The following MYOM2 variants were observed in gnomAD, a reference collection of about 807,000 sequenced individuals.
MYOM2 encodes myomesin 2.
MYOM2 carries 254 observed loss-of-function variants against 187.6 expected under a neutral mutation model. The observed-to-expected ratio is 1.35, with a 90% CI of 1.22 to 1.50. The LOEUF (loss-of-function observed/expected upper bound fraction) is 1.50. Ranked by LOEUF, MYOM2 falls within the 40% of genes most tolerant of loss-of-function variation. The probability of loss-of-function intolerance (pLI) is 0.00; values close to 1 mark genes in which losing one functional copy is unlikely to be tolerated. For synonymous variants in MYOM2, 981 were observed against 753.8 expected (o/e 1.30, Z -4.94); for missense variants, 2,796 against 1,924.0 (o/e 1.45, Z -8.48).
At chr8:2,075,226 C>G (rs1329847585) in intron 10 of MYOM2, among the ~76,000 whole-genome samples, 1 of 152,176 alleles carries the variant, frequency 6.6e-6, no homozygotes, top group Non-Finnish European at 1.5e-5. Context: ...AGTTTCACTG[C>G]TGTTGTTAGG....
chr8:2,063,964 G>A (rs370577076), intron 6 of MYOM2, among the ~76,000 whole-genome samples: 187 of 152,364 alleles, frequency 1.2e-3, no homozygotes, highest in Non-Finnish European at 2.2e-3. Context: ...CTCACAGCAT[G>A]AAGCAAAGGC....
chr8:2,052,689 G>A (rs996803860), intron 3 of MYOM2, among the ~76,000 whole-genome samples: 5 of 152,230 alleles, frequency 3.3e-5, no homozygotes, highest in Non-Finnish European at 1.5e-5. Context: ...AGCAGGATAA[G>A]CACACATGAA....
intron 1 of MYOM2, among the ~76,000 whole-genome samples, chr8:2,048,059 C>T (rs909736946): frequency 6.6e-6 from 1 of 152,240 alleles, no homozygotes; most frequent in Non-Finnish European, 1.5e-5. Context: ...TCATTCTCTC[C>T]TTTGACCTAA....
intron 8 of MYOM2, among the ~76,000 whole-genome samples, chr8:2,070,158 A>G (rs1351351340): frequency 1.3e-5 from 2 of 152,170 alleles, no homozygotes; most frequent in African/African-American, 2.4e-5. Context: ...GAGGACGGGG[A>G]CATGATGGAT....
chr8:2,070,430 C>G (rs537121078), intron 8 of MYOM2, among the ~76,000 whole-genome samples: 2 of 152,196 alleles, frequency 1.3e-5, no homozygotes, highest in Non-Finnish European at 2.9e-5. Context: ...ACATCCAACA[C>G]TCGGTGAGCC....
chr8:2,122,040 T>C (rs769927749), intron 28 of MYOM2, among the ~76,000 whole-genome samples: 1 of 152,206 alleles, frequency 6.6e-6, no homozygotes, highest in Non-Finnish European at 1.5e-5. Flanking sequence ...AAAACAGTAA[T>C]TGAAGGTCAT....
At chr8:2,085,576 TTGTGATCTCTGCGTGGCCC>T (rs1819829952) in intron 14 of MYOM2, among the ~76,000 whole-genome samples, 186 bp downstream of exon 14, 2 of 24,400 alleles carry the variant, frequency 8.2e-5, no homozygotes, top group Non-Finnish European at 1.3e-4. Flanking sequence ...GGCCCCACTG[TTGTGATCTCTGCGTGGCCC>T]CACTGTCGTG....
rs368377820 is a variant in MYOM2, at chr8:2,096,313, G to A, written c.2192G>A (p.Trp731Ter). 1 of 1,614,166 alleles carries A rather than the reference G, an allele frequency of 6.2e-7. No individual in the cohort carries two copies. Among genetic ancestry groups the A allele is most frequent in the East Asian group, 2.2e-5 (1 of 44,864 alleles). Residue 731 changes from tryptophan to a stop codon, truncating the protein, a stop_gained, in exon 18 of 37, where the codon TGG becomes TAG. Coordinates refer to ENST00000262113, the MANE Select transcript of MYOM2 (RefSeq NM_003970.4). LOFTEE classifies it high-confidence loss of function. ...NCDGHSMTLG[W>*]KVPKFSGGSP... ...GACGGCCACTCCATGACCCTCGGCTGGAAGGTCCCGAAATTCAGTGGTGGC... is the reference window on the plus strand; with the variant it reads ...GACGGCCACTCCATGACCCTCGGCTAGAAGGTCCCGAAATTCAGTGGTGGC...
chr8:2,085,431 ATGGCCCCCCACTGTCATGATCTCTGCG>A (rs1819785930), intron 14 of MYOM2, 41 bp downstream of exon 14: 23 of 1,519,922 alleles, frequency 1.5e-5, no homozygotes, highest in African/African-American at 3.3e-5. Flanking sequence ...AGATCTCTGC[ATGGCCCCCCACTGTCATGATCTCTGCG>A]TGGCCCACCG....
intron 19 of MYOM2, 111 bp downstream of exon 19, chr8:2,099,094 C>G: frequency 7.3e-7 from 1 of 1,365,066 alleles, no homozygotes; most frequent in South Asian, 1.5e-5. Context: ...TCTGTTCCTC[C>G]GACACCCGCA....
Position 2,114,901 on chromosome 8 carries a change from G to A in MYOM2, c.3181-1059G>A, listed in dbSNP as rs1346678930. Among the ~76,000 whole-genome samples, 4 of 152,176 alleles carry A rather than the reference G, an allele frequency of 2.6e-5. No homozygotes were observed. In the East Asian group the frequency reaches 7.7e-4, roughly 29 times the overall value. On this transcript the variant is annotated intron_variant, in intron 25 of 36. Coordinates refer to ENST00000262113, the MANE Select transcript of MYOM2 (RefSeq NM_003970.4). ...TGACAAATTTATATACTGCTACACA[G>A]GAAAACTCGTTTTCAGAATTACAAG...
intron 25 of MYOM2, among the ~76,000 whole-genome samples, chr8:2,110,123 G>A (rs1797019802): frequency 6.6e-6 from 1 of 152,300 alleles, no homozygotes. Flanking sequence ...AGGAGTTCAA[G>A]ACCAGCCTGG....
intron 32 of MYOM2, among the ~76,000 whole-genome samples, chr8:2,137,642 G>T (rs1365598763): frequency 1.3e-5 from 2 of 152,068 alleles, no homozygotes; most frequent in Non-Finnish European, 1.5e-5. Flanking sequence ...AGATGACTAA[G>T]GCCTATCAGT....
At chr8:2,093,159 C>T (rs998554866) in intron 16 of MYOM2, among the ~76,000 whole-genome samples, 18 of 152,282 alleles carry the variant, frequency 1.2e-4, no homozygotes, top group African/African-American at 4.3e-4. Flanking sequence ...AATTATGGCT[C>T]AGCCATTTCT....
intron 6 of MYOM2, among the ~76,000 whole-genome samples, chr8:2,064,307 A>C (rs1377974459): frequency 2.0e-5 from 3 of 152,172 alleles, no homozygotes; most frequent in Non-Finnish European, 4.4e-5. Flanking sequence ...AACACACTTC[A>C]TACAGTATGA....
chr8:2,100,136 C>A (rs1796651344), intron 19 of MYOM2, among the ~76,000 whole-genome samples: 2 of 117,340 alleles, frequency 1.7e-5, no homozygotes, highest in Admixed American at 8.2e-5. Context: ...TTCTTTCCTT[C>A]CTTCCTTCCT....
chr8:2,137,386 C>G (rs1191076048), intron 32 of MYOM2, among the ~76,000 whole-genome samples: 1 of 151,876 alleles, frequency 6.6e-6, no homozygotes, highest in East Asian at 2.0e-4. Flanking sequence ...CCCTTCTTCG[C>G]AAGCGGGGAG....
chr8:2,123,438 C>A, intron 29 of MYOM2, 73 bp downstream of exon 29: 1 of 1,459,350 alleles, frequency 6.9e-7, no homozygotes, highest in Non-Finnish European at 9.6e-7. Flanking sequence ...ATTCTACAAT[C>A]CTCTAATTTG....
chr8:2,088,227 C>T (rs1335084598), intron 14 of MYOM2, among the ~76,000 whole-genome samples: 1 of 152,174 alleles, frequency 6.6e-6, no homozygotes, highest in East Asian at 1.9e-4. Context: ...CCCAAGTCCC[C>T]AGAGTCTATT....
Sources: allele counts gnomAD v4.1 joint callset (sites outside exome capture counted in the v4.1 genomes callset), GRCh38; gene constraint gnomAD v4.1.1; transcripts MANE v1.5; gene names NCBI Gene and HGNC (gene_info 2026-07-23, HGNC 2026-07-21).